KCNQ1: variants seen among roughly 807,000 people sequenced by gnomAD.
The protein encoded by KCNQ1 is potassium voltage-gated channel subfamily KQT member 1.
In KCNQ1, 49 loss-of-function variants were observed where a neutral mutation model predicts 72.4. The observed-to-expected ratio is 0.68, with a 90% CI of 0.54 to 0.86. The LOEUF (loss-of-function observed/expected upper bound fraction) is 0.86. KCNQ1 is among the 40% of genes least tolerant of loss of function. KCNQ1 has a pLI of 0.00. For missense variants in KCNQ1, 790 were observed against 945.1 expected, an observed-to-expected ratio of 0.84 and a Z score of 2.15; for synonymous variants, 450 against 412.6, an observed-to-expected ratio of 1.09 and a Z score of -1.10.
chr11:2,721,431 G>C (rs897986012), intron 11 of KCNQ1, among the ~76,000 whole-genome samples: 4 of 152,234 alleles, frequency 2.6e-5, no homozygotes, highest in Non-Finnish European at 5.9e-5. Context: ...TGCCTCAGAG[G>C]GCTGGCAGAT....
chr11:2,558,739 G>A (rs377105631), intron 2 of KCNQ1, among the ~76,000 whole-genome samples: 30 of 152,276 alleles, frequency 2.0e-4, no homozygotes, highest in African/African-American at 6.0e-4. Flanking sequence ...GTAAGGCACC[G>A]GCAGTACATG....
rs555113925 is a variant in KCNQ1, at chr11:2,556,126, ACGCAT to A, written c.478-14497_478-14493del. Reference sequence around the variant, plus strand: ...GCTACTGTGGAAGGGTTCCCGGTCGACGCATCGCACCAGACCCTGCCTCCGCCTCC... The same window carrying A: ...GCTACTGTGGAAGGGTTCCCGGTCGACGCACCAGACCCTGCCTCCGCCTCC... On this transcript the variant is annotated intron_variant, in intron 2 of 15. Transcript: ENST00000155840. 1.1e-3 allele frequency among the ~76,000 whole-genome samples: 162 copies of A among 152,198 alleles called. 1 individual carries two copies. The highest frequency in any genetic ancestry group is 0.011 in the Admixed American group (162 of 15,288).
rs555355128 is a variant in KCNQ1, at chr11:2,469,758, C to T, written c.386+24274C>T. Among the ~76,000 whole-genome samples, 363 of 152,292 alleles carry T rather than the reference C, an allele frequency of 2.4e-3. 2 individuals are homozygous for T. The highest frequency in any genetic ancestry group is 4.2e-3 in the Non-Finnish European group (286 of 68,018). ...GCGCGATCTCGGCTCACTGCAAGCT[C>T]CGCCTTCCGGGTTCATGCCATTCTC... On this transcript the variant is annotated intron_variant, in intron 1 of 15. Coordinates refer to ENST00000155840, the MANE Select transcript of KCNQ1 (RefSeq NM_000218.3).
chr11:2,771,935 G>A (rs1846607404), intron 12 of KCNQ1, among the ~76,000 whole-genome samples: 1 of 152,180 alleles, frequency 6.6e-6, no homozygotes, highest in Non-Finnish European at 1.5e-5. Context: ...GAAGCAGACT[G>A]GGAAACCCCC....
chr11:2,524,800 G>C (rs1405777374), intron 1 of KCNQ1, among the ~76,000 whole-genome samples: 1 of 152,202 alleles, frequency 6.6e-6, no homozygotes, highest in African/African-American at 2.4e-5. Flanking sequence ...GTGTTGATAA[G>C]GAAACTGAGG....
chr11:2,665,639 T>C (rs943929685), intron 11 of KCNQ1: 2 of 397,514 alleles, frequency 5.0e-6, no homozygotes, highest in Non-Finnish European at 8.9e-6. Context: ...CTCCTTTGGC[T>C]CTCAAAGCCC....
In KCNQ1 at chr11:2,572,754, G is replaced by T; in HGVS notation, c.781-92G>T. On this transcript the variant is annotated intron_variant, in intron 5 of 15. Transcript: ENST00000155840. ...GCGCTGGAGCGGCGTAGGACGCCCA[G>T]TGATCGCTGGGACTCGCTGCCTTAG... is the stretch of plus-strand genomic sequence containing the variant. 9 of 1,555,252 alleles carry T rather than the reference G, an allele frequency of 5.8e-6. No individual in the cohort carries two copies. The Admixed American group carries it at 6.9e-5, about 12-fold the overall frequency.
At chr11:2,605,861 G>A (rs750645005) in intron 10 of KCNQ1, among the ~76,000 whole-genome samples, 2 of 152,182 alleles carry the variant, frequency 1.3e-5, no homozygotes, top group Admixed American at 6.5e-5. Context: ...AGATCAGCAC[G>A]ATTCCGGGAG....
At chr11:2,700,359 T>A (rs1055662237) in intron 11 of KCNQ1, among the ~76,000 whole-genome samples, 1 of 152,232 alleles carries the variant, frequency 6.6e-6, no homozygotes, top group African/African-American at 2.4e-5. Context: ...GCCAGTTCTC[T>A]GCGTGATGTG....
rs1043703799 is a variant in KCNQ1, at chr11:2,826,570, G to A, written c.1795-21197G>A. 5.9e-5 allele frequency among the ~76,000 whole-genome samples: 9 copies of A among 152,258 alleles called. No individual in the cohort carries two copies. Among genetic ancestry groups the A allele is most frequent in the African/African-American group, 1.9e-4 (8 of 41,468 alleles). ...CCCCGAAGGCCTCCCCAGCAGACCTGCAGCTGGGCACCCACAGGGTAGAAA... is the reference window on the plus strand; with the variant it reads ...CCCCGAAGGCCTCCCCAGCAGACCTACAGCTGGGCACCCACAGGGTAGAAA... On this transcript the variant is annotated intron_variant, in intron 15 of 15. Transcript: ENST00000155840. The surrounding 1 kb of genome is among the most constrained non-coding windows in gnomAD (Gnocchi z 4.2).
chr11:2,788,808 G>C (rs1446338791), intron 15 of KCNQ1, among the ~76,000 whole-genome samples: 1 of 152,184 alleles, frequency 6.6e-6, no homozygotes, highest in Non-Finnish European at 1.5e-5. Context: ...GTTTTGTCTG[G>C]GGTTCCAAAG....
intron 10 of KCNQ1, among the ~76,000 whole-genome samples, chr11:2,604,376 G>T (rs1249418953): frequency 6.6e-6 from 1 of 151,604 alleles, no homozygotes; most frequent in Non-Finnish European, 1.5e-5. Context: ...TACTCGGGAG[G>T]CTGAGGCAAG....
Position 2,598,684 on chromosome 11 carries a change from TA to T in KCNQ1, c.1393+9835del, listed in dbSNP as rs1246872672. Among the ~76,000 whole-genome samples, 1 of 152,144 alleles carries T rather than the reference TA, an allele frequency of 6.6e-6. No homozygotes were observed. The highest frequency in any genetic ancestry group is 1.5e-5 in the Non-Finnish European group (1 of 68,026). On this transcript the variant is annotated intron_variant, in intron 10 of 15. Transcript: ENST00000155840. This position sits in a 1 kb window ranked among gnomAD's most constrained non-coding sequence, Gnocchi z 6.2. ...AAATCTTCCTGTACAATTATGTTTC[TA>T]AAAATTGAGTGGCAGGTTTCATGGA...
chr11:2,847,387 A>G (rs894447478), intron 15 of KCNQ1, among the ~76,000 whole-genome samples: 1 of 152,112 alleles, frequency 6.6e-6, no homozygotes, highest in African/African-American at 2.4e-5. Context: ...CGCAAACCCA[A>G]ATATTTCAGG....
At chr11:2,738,595 C>G (rs561242796) in intron 11 of KCNQ1, among the ~76,000 whole-genome samples, 1 of 152,176 alleles carries the variant, frequency 6.6e-6, no homozygotes, top group African/African-American at 2.4e-5. Flanking sequence ...GTCAGCCTGT[C>G]CCATCCCTCC....
intron 11 of KCNQ1, chr11:2,688,155 C>T: frequency 2.5e-6 from 1 of 398,824 alleles, no homozygotes. Context: ...CCACGCAGCT[C>T]CCTAGGCCTC....
At chr11:2,496,381 G>A (rs532546150) in intron 1 of KCNQ1, among the ~76,000 whole-genome samples, 31 of 151,648 alleles carry the variant, frequency 2.0e-4, no homozygotes, top group African/African-American at 4.6e-4. Context: ...AGCTTGCAGC[G>A]AGCCAAGATA....
chr11:2,846,227 C>A (rs1848326263), intron 15 of KCNQ1, among the ~76,000 whole-genome samples: 1 of 152,212 alleles, frequency 6.6e-6, no homozygotes, highest in African/African-American at 2.4e-5. Context: ...CCGCCTGCTG[C>A]CTGTGCTTAG....
At position 2,572,178 on chromosome 11, in the gene KCNQ1, A is replaced by G. The variant is rs1038806003; in HGVS notation, c.780+69A>G. 2.1e-5 allele frequency: 26 copies of G among 1,214,198 alleles called. No homozygotes were observed. The African/African-American group carries it at 2.2e-4, about 10-fold the overall frequency. 75.2% of individuals were successfully genotyped at this position (1,214,198 alleles called of 1,614,324 possible). A position where few individuals can be genotyped will look rare whatever the true frequency, so the allele number is the denominator to read the frequency against. On this transcript the variant is annotated intron_variant, in intron 5 of 15. Coordinates refer to ENST00000155840, the MANE Select transcript of KCNQ1 (RefSeq NM_000218.3). ...GGACGGAGGGAGCAGAGCAGCCCAC[A>G]CTAGGACAGCTTGAGATGCGCTGAG...
Sources: gnomAD v4.1 joint callset for allele counts (sites outside exome capture counted in the v4.1 genomes callset) on GRCh38, gnomAD v4.1.1 for gene constraint, Gnocchi (gnomAD v3.1) non-coding constraint, MANE v1.5 for transcripts, NCBI Gene and HGNC (gene_info 2026-07-23, HGNC 2026-07-21) for gene names.